The following IQGAP1 variants were observed in gnomAD, a reference collection of about 807,000 sequenced individuals.
IQGAP1 encodes ras GTPase-activating-like protein IQGAP1.
Under a neutral mutation model 215.6 loss-of-function variants are expected in IQGAP1, and 66 were observed. That is an observed-to-expected ratio of 0.31 (90% CI 0.25 to 0.38). The LOEUF is 0.38. Ranked by LOEUF, IQGAP1 falls within the 10% of genes least tolerant of loss-of-function variation. The pLI is 1.00. For missense variants in IQGAP1, 1,712 were observed against 1,997.1 expected (o/e 0.86, Z 2.72); for synonymous variants, 772 against 728.7 (o/e 1.06, Z -0.96).
chr15:90,456,129 A>AT, intron 14 of IQGAP1, 23 bp from the exon 15 acceptor site: 2 of 1,597,702 alleles, frequency 1.3e-6, no homozygotes, highest in African/African-American at 1.4e-5. Flanking sequence ...GAAAAAAAAA[A>AT]CTTTCTGTCT....
At chr15:90,495,739 G>A (rs746724360) in intron 36 of IQGAP1, among the ~76,000 whole-genome samples, 241 of 148,310 alleles carry the variant, frequency 1.6e-3, no homozygotes, top group Non-Finnish European at 3.0e-3. Flanking sequence ...CCAGGTTCAA[G>A]CAATTCTCCC....
At chr15:90,453,341 C>T (rs2151023997) in intron 13 of IQGAP1, 49 bp downstream of exon 13, 2 of 1,429,840 alleles carry the variant, frequency 1.4e-6, no homozygotes, top group East Asian at 2.4e-5. Context: ...GCTGTTAACC[C>T]TGTCTTTTGT....
intron 15 of IQGAP1, among the ~76,000 whole-genome samples, chr15:90,460,123 CAG>C (rs4031433): frequency 0.18 from 27,255 of 151,878 alleles, 2,535 homozygotes; most frequent in South Asian, 0.22. Flanking sequence ...AGAAAGAATT[CAG>C]AGAGAGTCCA....
Position 90,452,914 on chromosome 15 carries a change from T to C in IQGAP1, c.1302T>C (p.Ala434=), listed in dbSNP as rs758153402. Residue 434 remains alanine (A), a synonymous_variant, in exon 12 of 38, where the codon GCT becomes GCC. Transcript: ENST00000268182. ...CCGATCTCTATCAGAAGGAGCTGGC[T>C]ACCCTGCAGCGACAAAGTCCTGAAG... ...FAADLYQKEL[A]TLQRQSPEHN... 6 of 1,613,932 alleles carry C rather than the reference T, an allele frequency of 3.7e-6. No individual in the cohort carries two copies. Among genetic ancestry groups the C allele is most frequent in the South Asian group, 1.1e-5 (1 of 91,084 alleles).
chr15:90,476,508 A>G (rs571857355), intron 23 of IQGAP1, among the ~76,000 whole-genome samples, 155 bp from the exon 24 acceptor site: 1 of 152,314 alleles, frequency 6.6e-6, no homozygotes, highest in African/African-American at 2.4e-5. Flanking sequence ...TGTACTGAAA[A>G]CAGGATAAAG....
chr15:90,414,547 C>A (rs1169933605), intron 2 of IQGAP1, among the ~76,000 whole-genome samples: 1 of 152,122 alleles, frequency 6.6e-6, no homozygotes, highest in African/African-American at 2.4e-5. Flanking sequence ...GTGACCTCTA[C>A]CAGTTTGCTG....
At chr15:90,474,299 G>A in intron 22 of IQGAP1, 166 bp downstream of exon 22, 1 of 758,570 alleles carries the variant, frequency 1.3e-6, no homozygotes. Flanking sequence ...TGTCTTGTTG[G>A]CTTGTTGCAT....
intron 15 of IQGAP1, among the ~76,000 whole-genome samples, chr15:90,460,344 G>T (rs754979021): frequency 3.9e-5 from 6 of 151,966 alleles, no homozygotes; most frequent in Non-Finnish European, 8.8e-5. Flanking sequence ...AATATGTCAA[G>T]TTGTCAGAGC....
chr15:90,432,628 A>G (rs568549681), intron 4 of IQGAP1, among the ~76,000 whole-genome samples: 66 of 152,288 alleles, frequency 4.3e-4, no homozygotes, highest in Middle Eastern at 3.4e-3. Context: ...AATAGGGTAT[A>G]TTGCCTTACT....
chr15:90,440,778 A>G (rs1470922788), intron 7 of IQGAP1, among the ~76,000 whole-genome samples, 163 bp downstream of exon 7: 2 of 152,266 alleles, frequency 1.3e-5, no homozygotes, highest in African/African-American at 2.4e-5. Context: ...TTATTTGGAA[A>G]TACATGATTA....
chr15:90,459,716 GT>G (rs1303130547), intron 15 of IQGAP1, among the ~76,000 whole-genome samples: 3 of 152,072 alleles, frequency 2.0e-5, no homozygotes, highest in Admixed American at 2.0e-4. Flanking sequence ...GTTTTGTTTT[GT>G]TTTGTTTTTT....
At chr15:90,478,784 T>G (rs1966014605) in intron 26 of IQGAP1, among the ~76,000 whole-genome samples, 1 of 152,170 alleles carries the variant, frequency 6.6e-6, no homozygotes, top group African/African-American at 2.4e-5. Flanking sequence ...TCATATAGAT[T>G]GGGTGAGATC....
intron 33 of IQGAP1, among the ~76,000 whole-genome samples, chr15:90,489,068 T>TG: frequency 6.6e-6 from 1 of 151,944 alleles, no homozygotes; most frequent in Non-Finnish European, 1.5e-5. Flanking sequence ...GGCAGATGGT[T>TG]GGGTCCTGGC....
intron 26 of IQGAP1, among the ~76,000 whole-genome samples, chr15:90,481,269 C>CTTTTTTT (rs57452745): frequency 9.7e-5 from 11 of 113,182 alleles, no homozygotes; most frequent in African/African-American, 3.7e-4. Flanking sequence ...CTCTCTGCCT[C>CTTTTTTT]TTTTTTTTTT....
At chr15:90,429,790 A>G in intron 4 of IQGAP1, 124 bp downstream of exon 4, 1 of 557,096 alleles carries the variant, frequency 1.8e-6, no homozygotes, top group Non-Finnish European at 3.2e-6. Context: ...TTAAATACTA[A>G]AAGATGTCTT....
At chr15:90,426,333 T>A in intron 3 of IQGAP1, 67 bp downstream of exon 3, 1 of 1,524,040 alleles carries the variant, frequency 6.6e-7, no homozygotes, top group Non-Finnish European at 8.8e-7. Flanking sequence ...TTTTATTTTG[T>A]GTAAGAGTTA....
rs1966000303 is a variant in IQGAP1 at position 90,477,747 on chromosome 15, C to T, written c.3187C>T (p.Arg1063Cys). 3 of 1,613,696 alleles carry T rather than the reference C, an allele frequency of 1.9e-6. No individual in the cohort carries two copies. Among genetic ancestry groups the T allele is most frequent in the Non-Finnish European group, 2.5e-6 (3 of 1,179,762 alleles). The change falls in exon 26 of 38, where the codon CGT becomes TGT. Residue 1063 changes from arginine (R) to cysteine (C), a missense_variant. Arg to Cys is a radical substitution (Grantham distance 180). Coordinates refer to ENST00000268182, the MANE Select transcript of IQGAP1 (RefSeq NM_003870.4). ...GGTTGTAAGTTTCAACCGTGGTGCCCGTGGCCAGAATGCCCTGAGACAGAT... is the reference window on the plus strand; with the variant it reads ...GGTTGTAAGTTTCAACCGTGGTGCCTGTGGCCAGAATGCCCTGAGACAGAT... ...KMVVSFNRGA[R>C]GQNALRQILA...
intron 2 of IQGAP1, among the ~76,000 whole-genome samples, chr15:90,411,985 A>C (rs1004353150): frequency 5.3e-5 from 8 of 152,182 alleles, no homozygotes; most frequent in African/African-American, 1.9e-4. Context: ...ATATTTAGTA[A>C]ATTTGCTGAG....
chr15:90,446,465 A>G (rs1242277422), intron 9 of IQGAP1, among the ~76,000 whole-genome samples: 4 of 152,216 alleles, frequency 2.6e-5, no homozygotes, highest in African/African-American at 9.6e-5. Context: ...CAGTCATAGA[A>G]TAAAGAAGGG....
Sources: allele counts gnomAD v4.1 joint callset (sites outside exome capture counted in the v4.1 genomes callset), GRCh38; gene constraint gnomAD v4.1.1; transcripts MANE v1.5; gene names NCBI Gene and HGNC (gene_info 2026-07-23, HGNC 2026-07-21).